CNST: variants seen among roughly 807,000 people sequenced by gnomAD.
CNST encodes the protein consortin.
A neutral mutation model predicts 72.4 loss-of-function variants in CNST; 39 were observed. That is an observed-to-expected ratio of 0.54 (90% CI 0.42 to 0.70). CNST has a LOEUF of 0.70. Ranked by LOEUF, CNST falls within the 30% of genes least tolerant of loss-of-function variation. The pLI is 0.00. For missense variants in CNST, 871 were observed against 868.5 expected, an observed-to-expected ratio of 1.00 and a Z score of -0.04; for synonymous variants, 332 against 320.1, an observed-to-expected ratio of 1.04 and a Z score of -0.40.
At chr1:246,608,932 CT>C (rs766284731) in intron 2 of CNST, among the ~76,000 whole-genome samples, 62 of 152,302 alleles carry the variant, frequency 4.1e-4, no homozygotes, top group South Asian at 2.3e-3. Flanking sequence ...CTTATTTAAC[CT>C]TTTGCCATTA....
At position 246,665,585 on chromosome 1, in the gene CNST, A is replaced by G. The variant is rs558379283; in HGVS notation, c.1973-115A>G. ...CATGAGTTTTCTGTCAATACTTCCT[A>G]TCCGTAGAGGACCAACAGTAGAAAT... is the stretch of plus-strand genomic sequence containing the variant. On this transcript the variant is annotated intron_variant, in intron 10 of 10. Transcript: ENST00000366513. 14 of 811,356 alleles carry G rather than the reference A, an allele frequency of 1.7e-5. 1 individual carries two copies. The African/African-American group carries it at 1.9e-4, about 11-fold the overall frequency. The allele number at this position is 811,356 out of a possible 1,614,324, so 50.3% of individuals were successfully genotyped here.
intron 6 of CNST, among the ~76,000 whole-genome samples, chr1:246,635,513 G>A (rs1320509396): frequency 3.3e-5 from 5 of 152,202 alleles, no homozygotes; most frequent in Middle Eastern, 3.4e-3. Flanking sequence ...TGTTTGAAGC[G>A]ATTTCTAGAA....
chr1:246,582,856 A>G (rs1392907194), intron 1 of CNST, among the ~76,000 whole-genome samples: 2 of 152,220 alleles, frequency 1.3e-5, no homozygotes. Context: ...CCTCTTGTCC[A>G]GTGTTATCTG....
chr1:246,642,099 C>A, intron 8 of CNST, 62 bp downstream of exon 8: 11 of 617,434 alleles, frequency 1.8e-5, no homozygotes, highest in Admixed American at 3.5e-5. Flanking sequence ...TGATCTTTTA[C>A]AAGTGATACA....
At chr1:246,596,417 GAA>G (rs1202524728) in intron 2 of CNST, among the ~76,000 whole-genome samples, 1 of 150,614 alleles carries the variant, frequency 6.6e-6, no homozygotes, top group African/African-American at 2.4e-5. Flanking sequence ...AAAAGAAAAA[GAA>G]AAAATTTTTC....
At chr1:246,655,670 G>C (rs1176687402) in intron 9 of CNST, among the ~76,000 whole-genome samples, 1 of 152,100 alleles carries the variant, frequency 6.6e-6, no homozygotes, top group Non-Finnish European at 1.5e-5. Context: ...ATGGCATAAA[G>C]CAACATTTTA....
intron 10 of CNST, among the ~76,000 whole-genome samples, chr1:246,664,616 C>CG (rs1553390264): frequency 6.6e-6 from 1 of 151,784 alleles, no homozygotes; most frequent in Non-Finnish European, 1.5e-5. Context: ...TTAGTAGAGA[C>CG]GGGGTTTCAC....
chr1:246,575,326 A>G (rs1660334395), intron 1 of CNST, among the ~76,000 whole-genome samples: 1 of 152,234 alleles, frequency 6.6e-6, no homozygotes, highest in African/African-American at 2.4e-5. Context: ...AATGTCCATC[A>G]ACTGATGAAT....
Position 246,668,321 on chromosome 1 carries a change from A to C in CNST, c.*2416A>C, listed in dbSNP as rs902954484. The C allele has an allele frequency of 6.6e-6, 1 of 152,204 alleles. No individual in the cohort carries two copies. Among genetic ancestry groups the C allele is most frequent in the Non-Finnish European group, 1.5e-5 (1 of 68,028 alleles). The allele number at this position is 152,204 out of a possible 1,614,324, so 9.4% of individuals were successfully genotyped here. ...TTGAGGGTATCAAATCAAGCTTGTAATTTAAAATCTGTACCAACAAAGTGT... is the reference window on the plus strand; with the variant it reads ...TTGAGGGTATCAAATCAAGCTTGTACTTTAAAATCTGTACCAACAAAGTGT... On this transcript the variant is annotated 3_prime_UTR_variant, in exon 11 of 11. Coordinates refer to ENST00000366513, the MANE Select transcript of CNST (RefSeq NM_152609.3).
intron 9 of CNST, among the ~76,000 whole-genome samples, chr1:246,659,299 A>G (rs555504915): frequency 3.1e-4 from 47 of 152,326 alleles, no homozygotes; most frequent in African/African-American, 1.1e-3. Context: ...CATACTAGAA[A>G]GTAATATGTC....
At chr1:246,639,181 G>A (rs1019040015) in intron 6 of CNST, among the ~76,000 whole-genome samples, 11 of 152,132 alleles carry the variant, frequency 7.2e-5, no homozygotes, top group East Asian at 5.8e-4. Flanking sequence ...GCAACTCCAC[G>A]CCGTTCGTCG....
chr1:246,647,339 ACAG>A lies in CNST; in HGVS notation c.1142_1144del (p.Ala381del). The A allele has an allele frequency of 6.2e-7, 1 of 1,614,162 alleles. No homozygotes were observed. Among genetic ancestry groups the A allele is most frequent in the Non-Finnish European group, 8.5e-7 (1 of 1,180,046 alleles). ...AGCGCTCCACACCCAGTCCTCCGAG[ACAG>A]CAGGGAGCCCGTCTGGGCCAGACTC... is the stretch of plus-strand genomic sequence containing the variant. On this transcript the variant is annotated inframe_deletion, in exon 9 of 11. Transcript: ENST00000366513.
intron 9 of CNST, among the ~76,000 whole-genome samples, chr1:246,659,469 C>G (rs1006432612): frequency 1.3e-5 from 2 of 152,108 alleles, no homozygotes; most frequent in Non-Finnish European, 2.9e-5. Flanking sequence ...GTGGCGGGTG[C>G]CTGTAGTCCC....
intron 2 of CNST, chr1:246,606,049 C>T (rs1227531513): frequency 1.3e-5 from 2 of 152,182 alleles, no homozygotes; most frequent in East Asian, 1.9e-4. Flanking sequence ...TCCATAACTA[C>T]TTCAGGTGTG....
intron 1 of CNST, among the ~76,000 whole-genome samples, chr1:246,586,197 G>A (rs1230067339): frequency 6.9e-6 from 1 of 145,768 alleles, no homozygotes; most frequent in African/African-American, 2.5e-5. Context: ...TCTTTGATAT[G>A]TATCTTTATT....
chr1:246,609,641 C>T (rs1296644462), intron 2 of CNST, among the ~76,000 whole-genome samples: 1 of 152,146 alleles, frequency 6.6e-6, no homozygotes, highest in Non-Finnish European at 1.5e-5. Context: ...TGATCAGAAC[C>T]TTAGAGGATG....
At chr1:246,571,380 C>T (rs547202015) in intron 1 of CNST, among the ~76,000 whole-genome samples, 39 of 152,286 alleles carry the variant, frequency 2.6e-4, no homozygotes, top group African/African-American at 8.7e-4. Context: ...AAACTCCTGA[C>T]CTCAAGTGAT....
At chr1:246,581,674 A>C (rs1037797563) in intron 1 of CNST, among the ~76,000 whole-genome samples, 1 of 152,228 alleles carries the variant, frequency 6.6e-6, no homozygotes, top group African/African-American at 2.4e-5. Flanking sequence ...ATTGCATTTT[A>C]CATTTTCCAT....
intron 9 of CNST, among the ~76,000 whole-genome samples, chr1:246,650,929 C>T (rs1334961739): frequency 1.3e-5 from 2 of 152,104 alleles, no homozygotes; most frequent in Admixed American, 6.5e-5. Context: ...CCACCTACCT[C>T]GGCCTACCAA....
Sources: allele counts gnomAD v4.1 joint callset (sites outside exome capture counted in the v4.1 genomes callset), GRCh38; gene constraint gnomAD v4.1.1; transcripts MANE v1.5; gene names NCBI Gene and HGNC (gene_info 2026-07-23, HGNC 2026-07-21).